The following TMEM163 variants were observed in gnomAD, a reference collection of about 807,000 sequenced individuals.
TMEM163 encodes transmembrane protein 163.
In TMEM163, 17 loss-of-function variants were observed where a neutral mutation model predicts 29.3. The ratio of observed to expected loss-of-function variants is 0.58; its 90% CI spans 0.40 to 0.87. TMEM163 has a LOEUF of 0.87. TMEM163 is among the 40% of genes least tolerant of loss of function. TMEM163 has a pLI of 0.00. For missense variants in TMEM163, 303 were observed against 381.5 expected (o/e 0.79, Z 1.71); for synonymous variants, 157 against 160.6 (o/e 0.98, Z 0.17).
In TMEM163 at chr2:134,707,695, T is replaced by G. The variant is rs909954208; in HGVS notation, c.322+5505A>C. On this transcript the variant is annotated intron_variant, in intron 2 of 7. Coordinates refer to ENST00000281924, the MANE Select transcript of TMEM163 (RefSeq NM_030923.5). ...AGGGAAGAACTGTGATGAAGGAAAT[T>G]GGCGGTGTCATGGATAAAACTGCTC... is the stretch of plus-strand genomic sequence containing the variant. Among the ~76,000 whole-genome samples the G allele has an allele frequency of 3.3e-5, 5 of 151,964 alleles. No individual in the cohort carries two copies. In the East Asian group the frequency reaches 7.8e-4, roughly 24 times the overall value.
rs185203308 is a variant in TMEM163 at position 134,696,497 on chromosome 2, A to G, written c.322+16703T>C. Among the ~76,000 whole-genome samples, 82 of 152,290 alleles carry G rather than the reference A, an allele frequency of 5.4e-4. 1 individual carries two copies. In the East Asian group the frequency reaches 8.3e-3, roughly 15 times the overall value. On this transcript the variant is annotated intron_variant, in intron 2 of 7. Coordinates refer to ENST00000281924, the MANE Select transcript of TMEM163 (RefSeq NM_030923.5). ...TAGGGTTAATATAAGGAGAAATGAC[A>G]TCCTTATTAGATTGTCTTCCCAGCT... is the stretch of plus-strand genomic sequence containing the variant.
intron 5 of TMEM163, among the ~76,000 whole-genome samples, chr2:134,499,804 T>C (rs1679661388): frequency 6.6e-6 from 1 of 152,108 alleles, no homozygotes; most frequent in African/African-American, 2.4e-5. Context: ...GGGGGAGGTG[T>C]CACTCGGAGC....
At chr2:134,589,450 C>T (rs773286657) in intron 2 of TMEM163, among the ~76,000 whole-genome samples, 6 of 152,142 alleles carry the variant, frequency 3.9e-5, no homozygotes, top group South Asian at 2.1e-4. Context: ...ACCAAGAAGG[C>T]GATGAAAGTG....
intron 2 of TMEM163, among the ~76,000 whole-genome samples, chr2:134,658,839 C>T (rs57294086): frequency 0.15 from 22,752 of 152,046 alleles, 2,517 homozygotes; most frequent in African/African-American, 0.31. Context: ...CCTCGTGATC[C>T]GCCCTCCTCA....
At chr2:134,698,101 A>AG (rs934772400) in intron 2 of TMEM163, among the ~76,000 whole-genome samples, 21 of 152,206 alleles carry the variant, frequency 1.4e-4, no homozygotes, top group Non-Finnish European at 2.8e-4. Context: ...CTTTGCTGTG[A>AG]GGGGCTGTCC....
chr2:134,566,829 AAG>A (rs760662530), intron 2 of TMEM163, among the ~76,000 whole-genome samples: 3 of 152,222 alleles, frequency 2.0e-5, no homozygotes, highest in Non-Finnish European at 1.5e-5. Flanking sequence ...ATCCATTAAT[AAG>A]AGAGTTGTTT....
At chr2:134,651,979 G>T (rs1683490627) in intron 2 of TMEM163, among the ~76,000 whole-genome samples, 1 of 125,422 alleles carries the variant, frequency 8.0e-6, no homozygotes, top group Admixed American at 7.8e-5. Context: ...CAGGTAGTGT[G>T]ATGCCTCCAG....
At chr2:134,594,380 A>G (rs1682013598) in intron 2 of TMEM163, among the ~76,000 whole-genome samples, 1 of 152,182 alleles carries the variant, frequency 6.6e-6, no homozygotes, top group East Asian at 1.9e-4. Flanking sequence ...GTGAGTTTCC[A>G]GTGAGTGTGA....
At chr2:134,671,117 C>T (rs1264174021) in intron 2 of TMEM163, among the ~76,000 whole-genome samples, 1 of 152,198 alleles carries the variant, frequency 6.6e-6, no homozygotes, top group Non-Finnish European at 1.5e-5. Flanking sequence ...GACTGCTTCT[C>T]CTTTCCTCAC....
chr2:134,460,623 G>A lies in TMEM163; in HGVS notation c.668-2450C>T, dbSNP rs868294605. Among the ~76,000 whole-genome samples, 1 of 152,160 alleles carries A rather than the reference G, an allele frequency of 6.6e-6. No homozygotes were observed. Among genetic ancestry groups the A allele is most frequent in the African/African-American group, 2.4e-5 (1 of 41,438 alleles). On this transcript the variant is annotated intron_variant, in intron 6 of 7. Transcript: ENST00000281924. This position sits in a 1 kb window ranked among gnomAD's most constrained non-coding sequence, Gnocchi z 4.3. The stretch of plus-strand genomic sequence containing the variant: ...TGAGCGCCACCCCTGCCTGGCTCCC[G>A]CAGACAGTCACCCCAGGAGAAGCAA...
chr2:134,550,512 T>C (rs1680890842), intron 4 of TMEM163, 58 bp downstream of exon 4: 2 of 1,530,108 alleles, frequency 1.3e-6, no homozygotes, highest in Middle Eastern at 3.5e-4. Context: ...AGGGCCTCAT[T>C]CCGTGGCCTT....
At chr2:134,557,509 T>C (rs538481544) in intron 2 of TMEM163, among the ~76,000 whole-genome samples, 52 of 152,310 alleles carry the variant, frequency 3.4e-4, no homozygotes, top group African/African-American at 1.2e-3. Context: ...GAGGCATCTA[T>C]CAATATGTGT....
intron 2 of TMEM163, among the ~76,000 whole-genome samples, chr2:134,651,424 A>G (rs1408791563): frequency 8.3e-6 from 1 of 120,692 alleles, no homozygotes; most frequent in Non-Finnish European, 1.6e-5. Flanking sequence ...GTTTGAGTTC[A>G]TTGTAGATTC....
chr2:134,467,139 T>C (rs1463295965), intron 5 of TMEM163: 1 of 152,170 alleles, frequency 6.6e-6, no homozygotes, highest in African/African-American at 2.4e-5. Flanking sequence ...GAAAAGCAAC[T>C]TCACTGGAAA....
At chr2:134,572,722 A>C (rs1249600049) in intron 2 of TMEM163, among the ~76,000 whole-genome samples, 2 of 152,136 alleles carry the variant, frequency 1.3e-5, no homozygotes, top group Non-Finnish European at 2.9e-5. Context: ...CCAGACTCTC[A>C]GAATTCGGAA....
intron 6 of TMEM163, among the ~76,000 whole-genome samples, chr2:134,462,308 A>G (rs35187499): frequency 0.038 from 5,797 of 151,988 alleles, 170 homozygotes; most frequent in South Asian, 0.13. Flanking sequence ...CTCAGCTCCC[A>G]GCTCCCTCGA....
chr2:134,471,131 C>A (rs139721556), intron 5 of TMEM163, among the ~76,000 whole-genome samples: 126 of 152,238 alleles, frequency 8.3e-4, no homozygotes, highest in African/African-American at 2.6e-3. Flanking sequence ...ATAATAGTGC[C>A]ACTGCACTCC....
At chr2:134,500,908 T>C (rs1291995184) in intron 5 of TMEM163, among the ~76,000 whole-genome samples, 3 of 152,262 alleles carry the variant, frequency 2.0e-5, no homozygotes, top group South Asian at 4.1e-4. Flanking sequence ...TAAACAATTA[T>C]AGGATGACTA....
At chr2:134,674,349 T>TA (rs1229881680) in intron 2 of TMEM163, among the ~76,000 whole-genome samples, 1 of 147,160 alleles carries the variant, frequency 6.8e-6, no homozygotes, top group African/African-American at 2.5e-5. Context: ...AATTTTTTTT[T>TA]TTTTTTTTTT....
Sources: allele counts gnomAD v4.1 joint callset (sites outside exome capture counted in the v4.1 genomes callset), GRCh38; gene constraint gnomAD v4.1.1; non-coding constraint Gnocchi (gnomAD v3.1); transcripts MANE v1.5; gene names NCBI Gene and HGNC (gene_info 2026-07-23, HGNC 2026-07-21).